CDK14: variants seen among roughly 807,000 people sequenced by gnomAD.
The protein encoded by CDK14 is cyclin dependent kinase 14.
In CDK14, 34 loss-of-function variants were observed where a neutral mutation model predicts 60.7. The ratio of observed to expected loss-of-function variants is 0.56; its 90% CI spans 0.43 to 0.75. The LOEUF (loss-of-function observed/expected upper bound fraction) is 0.75, where lower values mean the gene tolerates loss of function less well. CDK14 is among the 30% of genes least tolerant of loss of function. The pLI is 0.00. For synonymous variants in CDK14, 197 were observed against 203.7 expected, an observed-to-expected ratio of 0.97 and a Z score of 0.28; for missense variants, 482 against 564.1, an observed-to-expected ratio of 0.85 and a Z score of 1.47.
At chr7:90,747,820 G>A (rs771870234) in intron 4 of CDK14, 45 bp downstream of exon 4, 2 of 898,466 alleles carry the variant, frequency 2.2e-6, no homozygotes, top group South Asian at 4.3e-5. Context: ...CAGTGTATCT[G>A]CCCTCTTATT....
intron 11 of CDK14, among the ~76,000 whole-genome samples, chr7:91,057,487 A>G (rs981652786): frequency 3.4e-4 from 52 of 152,160 alleles, no homozygotes; most frequent in Non-Finnish European, 6.3e-4. Context: ...GCCCATGCCT[A>G]TGTCCTGAAT....
intron 5 of CDK14, among the ~76,000 whole-genome samples, chr7:90,805,122 A>G (rs1788771568): frequency 6.6e-6 from 1 of 152,110 alleles, no homozygotes; most frequent in Non-Finnish European, 1.5e-5. Context: ...AAGATAATAC[A>G]TTCTTCCATT....
At chr7:90,811,271 A>G (rs1256446353) in intron 5 of CDK14, among the ~76,000 whole-genome samples, 3 of 152,106 alleles carry the variant, frequency 2.0e-5, no homozygotes, top group African/African-American at 4.8e-5. Context: ...AAACAGAGAT[A>G]TAGACCAATG....
At chr7:90,946,341 G>C (rs1029086402) in intron 8 of CDK14, among the ~76,000 whole-genome samples, 1 of 152,114 alleles carries the variant, frequency 6.6e-6, no homozygotes, top group Non-Finnish European at 1.5e-5. Context: ...AGACAACCAA[G>C]ATTGTCACCA....
chr7:90,815,916 C>T (rs1486097266), intron 5 of CDK14, among the ~76,000 whole-genome samples: 4 of 129,204 alleles, frequency 3.1e-5, no homozygotes, highest in South Asian at 2.8e-4. Context: ...GGGGCCTTTC[C>T]GGGGATGGGG....
At chr7:90,858,505 A>G (rs917596920) in intron 5 of CDK14, among the ~76,000 whole-genome samples, 5 of 152,210 alleles carry the variant, frequency 3.3e-5, no homozygotes, top group African/African-American at 1.2e-4. Context: ...TGACAACCTG[A>G]GGTATTAACT....
chr7:90,695,230 A>G (rs1178299490), intron 2 of CDK14, among the ~76,000 whole-genome samples: 1 of 151,974 alleles, frequency 6.6e-6, no homozygotes, highest in African/African-American at 2.4e-5. Flanking sequence ...ATGTTGTAAT[A>G]TTTTCTACCT....
chr7:90,732,149 T>C (rs1216615002), intron 3 of CDK14, among the ~76,000 whole-genome samples: 1 of 152,202 alleles, frequency 6.6e-6, no homozygotes, highest in East Asian at 1.9e-4. Context: ...CATTTATTGA[T>C]TGGCTTATGT....
chr7:90,852,570 T>C (rs1448504534), intron 5 of CDK14, among the ~76,000 whole-genome samples: 2 of 152,170 alleles, frequency 1.3e-5, no homozygotes, highest in Non-Finnish European at 2.9e-5. Context: ...ACCATATGGT[T>C]GGAAGGCCTT....
chr7:90,782,483 T>G (rs150758968), intron 4 of CDK14, among the ~76,000 whole-genome samples: 72 of 152,308 alleles, frequency 4.7e-4, no homozygotes, highest in African/African-American at 1.7e-3. Context: ...ATTGCAGGTA[T>G]TATTTTACTA....
chr7:91,007,097 A>C (rs1285694262), intron 10 of CDK14, among the ~76,000 whole-genome samples: 1 of 152,094 alleles, frequency 6.6e-6, no homozygotes, highest in Non-Finnish European at 1.5e-5. Flanking sequence ...CATTTTTATA[A>C]ATTTTGACAA....
At chr7:90,628,855 G>A (rs1229480694) in intron 2 of CDK14, among the ~76,000 whole-genome samples, 27 of 151,788 alleles carry the variant, frequency 1.8e-4, no homozygotes, top group Admixed American at 1.8e-3. Flanking sequence ...AAGAGAGAGA[G>A]ACAGAGAGAG....
In CDK14 at chr7:91,179,921, T is replaced by G. The variant is rs1801939800; in HGVS notation, c.*29-27244T>G. 2.0e-5 allele frequency among the ~76,000 whole-genome samples: 3 copies of G among 152,376 alleles called. No individual in the cohort carries two copies. The South Asian group carries it at 6.2e-4, about 32-fold the overall frequency. The stretch of plus-strand genomic sequence containing the variant: ...TAATGATTCAATCCAGAAGAAAATC[T>G]TAAATGTTTTTAATCTTATTAGGAA... On this transcript the variant is annotated intron_variant, in intron 14 of 14. Transcript: ENST00000380050.
chr7:90,664,334 G>A (rs1800927398), intron 2 of CDK14, among the ~76,000 whole-genome samples: 2 of 152,282 alleles, frequency 1.3e-5, no homozygotes, highest in Non-Finnish European at 2.9e-5. Context: ...CTTTTACACT[G>A]TTGGTGGGAC....
intron 8 of CDK14, among the ~76,000 whole-genome samples, chr7:90,927,036 C>A (rs549499087): frequency 3.0e-4 from 46 of 152,302 alleles, no homozygotes; most frequent in African/African-American, 1.1e-3. Flanking sequence ...CAGGCATTCT[C>A]CAGGGGCACC....
chr7:90,737,176 G>C (rs1803155024), intron 3 of CDK14, among the ~76,000 whole-genome samples: 2 of 152,164 alleles, frequency 1.3e-5, no homozygotes. Context: ...CTCCTCAGTA[G>C]CTGCAGTTCT....
chr7:90,698,435 T>G (rs373330442), intron 2 of CDK14, among the ~76,000 whole-genome samples: 1 of 152,200 alleles, frequency 6.6e-6, no homozygotes, highest in Admixed American at 6.5e-5. Flanking sequence ...TTTTTCTGAC[T>G]GGTATTTAAC....
chr7:91,139,012 A>G (rs979252951), intron 14 of CDK14, among the ~76,000 whole-genome samples: 1 of 152,188 alleles, frequency 6.6e-6, no homozygotes, highest in Non-Finnish European at 1.5e-5. Context: ...ATTCGAGGTC[A>G]GTGTTCCCAA....
At chr7:91,000,624 C>A (rs1257891234) in intron 10 of CDK14, among the ~76,000 whole-genome samples, 3 of 152,174 alleles carry the variant, frequency 2.0e-5, no homozygotes, top group Non-Finnish European at 4.4e-5. Context: ...TCTTTGAGAA[C>A]TTTTTTTGCT....
Sources: allele counts gnomAD v4.1 joint callset (sites outside exome capture counted in the v4.1 genomes callset), GRCh38; gene constraint gnomAD v4.1.1; transcripts MANE v1.5; gene names NCBI Gene and HGNC (gene_info 2026-07-23, HGNC 2026-07-21).